The following ZNF484 variants were observed in gnomAD, a reference collection of about 807,000 sequenced individuals.
ZNF484 encodes zinc finger protein 484.
ZNF484 carries 11 observed loss-of-function variants against 12.9 expected under a neutral mutation model. The ratio of observed to expected loss-of-function variants is 0.85; its 90% confidence interval spans 0.54 to 1.41. ZNF484 has a LOEUF of 1.41. ZNF484 is among the 40% of genes most tolerant of loss of function. ZNF484 has a pLI of 0.00. For synonymous variants in ZNF484, 289 were observed against 334.1 expected (o/e 0.86, Z 1.47); for missense variants, 807 against 1,007.7 (o/e 0.80, Z 2.70).
rs1251744193 is a variant in ZNF484, at chr9:92,846,671, T to C, written c.2116A>G (p.Thr706Ala). The C allele has an allele frequency of 6.2e-7, 1 of 1,613,852 alleles. No homozygotes were observed. The highest frequency in any genetic ancestry group is 1.1e-5 in the South Asian group (1 of 91,064). Residue 706 changes from threonine to alanine, a missense_variant, in exon 5 of 5, where the codon ACA (threonine) becomes GCA (alanine). Coordinates refer to ENST00000375495, the MANE Select transcript of ZNF484 (RefSeq NM_031486.4). Reference protein sequence around the residue: ...ECGKAFARKSTLIMHQRIHTG... With the variant: ...ECGKAFARKSALIMHQRIHTG... ...TGAATTCTCTGATGCATAATTAGTG[T>C]TGATTTTCTTGCAAAGGCTTTCCCA...
At chr9:92,852,529 CTTTT>C (rs760841960) in intron 4 of ZNF484, among the ~76,000 whole-genome samples, 7 of 63,448 alleles carry the variant, frequency 1.1e-4, no homozygotes, top group Admixed American at 4.6e-4. Context: ...CACGCCCAGC[CTTTT>C]TTTTTTTTTT....
intron 2 of ZNF484, among the ~76,000 whole-genome samples, chr9:92,868,305 A>G (rs1587763270): frequency 6.6e-6 from 1 of 152,044 alleles, no homozygotes; most frequent in Non-Finnish European, 1.5e-5. Context: ...CAGGTCGACA[A>G]CTCCAAGAGG....
chr9:92,856,172 C>T lies in ZNF484; in HGVS notation c.142+20G>A, dbSNP rs1332961832. ...TCAATTAGGTGCAGCCTACTCTATA[C>T]CCAGCAGAGCCGTGCTTACCCACTG... On this transcript the variant is annotated intron_variant, in intron 3 of 4. Transcript: ENST00000375495. The T allele has an allele frequency of 2.5e-6, 4 of 1,612,098 alleles. No individual in the cohort carries two copies. The East Asian group carries it at 8.9e-5, about 36-fold the overall frequency.
Position 92,848,310 on chromosome 9 carries a change from C to G in ZNF484, c.477G>C (p.Gly159=), listed in dbSNP as rs1855826941. ...GGTGTGTGTTTACATGAACTATTTCCCCAATGTCCTTATATTCAAAGATGC... is the reference window on the plus strand; with the variant it reads ...GGTGTGTGTTTACATGAACTATTTCGCCAATGTCCTTATATTCAAAGATGC... The part of the protein sequence containing the change: ...NDSIFEYKDI[G]EIVHVNTHLV... The change falls in exon 5 of 5, where the codon GGG becomes GGC. Residue 159 remains glycine, a synonymous_variant. Transcript: ENST00000375495. This position sits in a 1 kb window ranked among gnomAD's most constrained non-coding sequence, Gnocchi z 4.1. The G allele has an allele frequency of 6.2e-7, 1 of 1,613,948 alleles. No individual in the cohort carries two copies. The highest frequency in any genetic ancestry group is 1.3e-5 in the African/African-American group (1 of 74,876).
At chr9:92,861,619 T>C (rs10122560) in intron 2 of ZNF484, among the ~76,000 whole-genome samples, 1,992 of 152,138 alleles carry the variant, frequency 0.013, 48 homozygotes, top group African/African-American at 0.045. Flanking sequence ...GTCTGAACAA[T>C]AGAAAAAATA....
At position 92,875,079 on chromosome 9, in the gene ZNF484, G is replaced by C. The variant is rs756853579; in HGVS notation, c.-30-20C>G. Reference sequence around the variant, plus strand: ...AGAAATCTGAGAAAACAGATGGGTAGAGGTACCCATGAGAGAAGGAACTGT... The same window carrying C: ...AGAAATCTGAGAAAACAGATGGGTACAGGTACCCATGAGAGAAGGAACTGT... On this transcript the variant is annotated intron_variant, in intron 1 of 4. Coordinates refer to ENST00000375495, the MANE Select transcript of ZNF484 (RefSeq NM_031486.4). The C allele has an allele frequency of 6.2e-7, 1 of 1,611,944 alleles. No homozygotes were observed. The highest frequency in any genetic ancestry group is 8.5e-7 in the Non-Finnish European group (1 of 1,178,696).
chr9:92,867,407 G>A (rs967368099), intron 2 of ZNF484, among the ~76,000 whole-genome samples: 25 of 152,130 alleles, frequency 1.6e-4, no homozygotes, highest in African/African-American at 5.8e-4. Flanking sequence ...CCTTGAACCC[G>A]GGAGGCGGAG....
chr9:92,851,172 G>C (rs927181422), intron 4 of ZNF484, among the ~76,000 whole-genome samples: 2 of 152,116 alleles, frequency 1.3e-5, no homozygotes, highest in African/African-American at 4.8e-5. Flanking sequence ...AAGTGGGTTT[G>C]TCTCCTACAA....
intron 2 of ZNF484, among the ~76,000 whole-genome samples, chr9:92,858,147 A>G (rs1257568845): frequency 1.3e-5 from 2 of 152,252 alleles, no homozygotes; most frequent in Non-Finnish European, 2.9e-5. Context: ...ACAGTCACAC[A>G]GAGAATTGGA....
chr9:92,848,225 T>C lies in ZNF484; in HGVS notation c.562A>G (p.Ile188Val). ...TTGTTTCTATTATATAAGGTTATGA[T>C]AGGCTCCAAATTCTTTCCACACGAG... is the stretch of plus-strand genomic sequence containing the variant. ...CNSCGKNLEPIITLYNRNNAT... is the reference protein window; with the variant it reads ...CNSCGKNLEPVITLYNRNNAT... Residue 188 changes from isoleucine to valine, a missense_variant, in exon 5 of 5, where the codon ATC becomes GTC. Ile to Val is a conservative substitution (Grantham distance 29). Transcript: ENST00000375495. The surrounding 1 kb of genome is among the most constrained non-coding windows in gnomAD (Gnocchi z 4.1). 3 of 1,614,208 alleles carry C rather than the reference T, an allele frequency of 1.9e-6. No individual in the cohort carries two copies. Among genetic ancestry groups the C allele is most frequent in the South Asian group, 1.1e-5 (1 of 91,080 alleles).
At chr9:92,877,806 A>T in intron 1 of ZNF484, 84 bp downstream of exon 1, 7 of 1,535,624 alleles carry the variant, frequency 4.6e-6, no homozygotes, top group Non-Finnish European at 6.1e-6. Flanking sequence ...CCACTGACCG[A>T]CCCCATCACT....
At position 92,847,447 on chromosome 9, in the gene ZNF484, T is replaced by C; in HGVS notation, c.1340A>G (p.Lys447Arg). 6.2e-7 allele frequency: 1 copy of C among 1,613,448 alleles called. No homozygotes were observed. The highest frequency in any genetic ancestry group is 8.5e-7 in the Non-Finnish European group (1 of 1,179,842). Reference sequence around the variant, plus strand: ...GAGTTGTGATTTTTTAATAAAGGATTTCCCACAGTCACTGCATTCATAGGG... The same window carrying C: ...GAGTTGTGATTTTTTAATAAAGGATCTCCCACAGTCACTGCATTCATAGGG... Reference protein sequence around the residue: ...EKPYECSDCGKSFIKKSQLHV... With the variant: ...EKPYECSDCGRSFIKKSQLHV... Residue 447 changes from lysine to arginine, a missense_variant, in exon 5 of 5, where the codon AAA (lysine) becomes AGA (arginine). Lys to Arg is a conservative substitution (Grantham distance 26). Coordinates refer to ENST00000375495, the MANE Select transcript of ZNF484 (RefSeq NM_031486.4).
At position 92,855,881 on chromosome 9, in the gene ZNF484, T is replaced by A. The variant is rs770575882; in HGVS notation, c.165A>T (p.Glu55Asp). Residue 55 changes from glutamate to aspartate, a missense_variant, in exon 4 of 5, where the codon GAA becomes GAT. Coordinates refer to ENST00000375495, the MANE Select transcript of ZNF484 (RefSeq NM_031486.4). ...ISVGCQVPKPEVIFSLEQEEP... is the reference protein window; with the variant it reads ...ISVGCQVPKPDVIFSLEQEEP... ...CTTCTTGTTCCAAGCTGAAGATGAC[T>A]TCTGGTTTGGGAACTTGACATCCTG... The A allele has an allele frequency of 6.2e-7, 1 of 1,614,148 alleles. No individual in the cohort carries two copies. The highest frequency in any genetic ancestry group is 1.7e-5 in the Admixed American group (1 of 60,018).
Position 92,871,385 on chromosome 9 carries a change from GA to G in ZNF484, c.15+3629del, listed in dbSNP as rs372043619. On this transcript the variant is annotated intron_variant, in intron 2 of 4. Coordinates refer to ENST00000375495, the MANE Select transcript of ZNF484 (RefSeq NM_031486.4). ...AATGATCTAATCTAAAGAATGGAGA[GA>G]AAACAGACTGAGAAAAAAAGGAACA... 3.8e-3 allele frequency among the ~76,000 whole-genome samples: 579 copies of G among 152,130 alleles called. 1 individual carries two copies. The highest frequency in any genetic ancestry group is 0.013 in the African/African-American group (543 of 41,514).
At chr9:92,871,318 G>C (rs1189357627) in intron 2 of ZNF484, among the ~76,000 whole-genome samples, 3 of 151,986 alleles carry the variant, frequency 2.0e-5, no homozygotes, top group Non-Finnish European at 4.4e-5. Context: ...AAAGAATGGA[G>C]GCAACAGAAG....
intron 2 of ZNF484, among the ~76,000 whole-genome samples, chr9:92,857,236 A>G (rs1440616099): frequency 6.6e-6 from 1 of 152,162 alleles, no homozygotes; most frequent in East Asian, 1.9e-4. Flanking sequence ...CTAAGACTGG[A>G]GAGGAGAGAA....
At chr9:92,874,945 A>G in intron 2 of ZNF484, 70 bp downstream of exon 2, 2 of 1,428,100 alleles carry the variant, frequency 1.4e-6, no homozygotes, top group South Asian at 2.4e-5. Context: ...AGGGATTGTT[A>G]GATGTCTCCT....
At chr9:92,852,568 T>A (rs1005948338) in intron 4 of ZNF484, among the ~76,000 whole-genome samples, 5 of 128,180 alleles carry the variant, frequency 3.9e-5, no homozygotes, top group Admixed American at 1.7e-4. Context: ...CGGAGTGTCG[T>A]TCTTGTCACC....
In ZNF484 at chr9:92,872,704, A is replaced by G. The variant is rs1857531719; in HGVS notation, c.15+2311T>C. Among the ~76,000 whole-genome samples, 5 of 152,142 alleles carry G rather than the reference A, an allele frequency of 3.3e-5. No individual in the cohort carries two copies. The South Asian group carries it at 1.0e-3, about 32-fold the overall frequency. Reference sequence around the variant, plus strand: ...TTTCTTACAGCCTGTAGAAAGGAATACTGCCCTCTTGACACCTTGGTTTTA... The same window carrying G: ...TTTCTTACAGCCTGTAGAAAGGAATGCTGCCCTCTTGACACCTTGGTTTTA... On this transcript the variant is annotated intron_variant, in intron 2 of 4. Transcript: ENST00000375495.
Sources: allele counts gnomAD v4.1 joint callset (sites outside exome capture counted in the v4.1 genomes callset), GRCh38; gene constraint gnomAD v4.1.1; non-coding constraint Gnocchi (gnomAD v3.1); transcripts MANE v1.5; gene names NCBI Gene and HGNC (gene_info 2026-07-23, HGNC 2026-07-21).